Variants in TNS3 observed in about 807,000 individuals in gnomAD.
The protein encoded by TNS3 is tensin 3.
TNS3 carries 45 observed loss-of-function variants against 140.9 expected under a neutral mutation model. The ratio of observed to expected loss-of-function variants is 0.32; its 90% CI spans 0.25 to 0.41. The LOEUF (loss-of-function observed/expected upper bound fraction) is 0.41, where lower values mean the gene tolerates loss of function less well. Ranked by LOEUF, TNS3 falls within the 10% of genes least tolerant of loss-of-function variation. The probability of loss-of-function intolerance (pLI) is 1.00; values close to 1 mark genes in which losing one functional copy is unlikely to be tolerated. For missense variants in TNS3, 1,716 were observed against 1,906.7 expected, an observed-to-expected ratio of 0.90 and a Z score of 1.86; for synonymous variants, 815 against 788.4, an observed-to-expected ratio of 1.03 and a Z score of -0.56.
chr7:47,473,978 G>A (rs946543721), intron 4 of TNS3, among the ~76,000 whole-genome samples: 2 of 152,160 alleles, frequency 1.3e-5, no homozygotes, highest in African/African-American at 4.8e-5. Flanking sequence ...CTGGGGCAGA[G>A]GCAGGGATGG....
rs528516882 is a variant in TNS3 at position 47,285,553 on chromosome 7, G to T, written c.3929-1688C>A. On this transcript the variant is annotated intron_variant, in intron 27 of 30. Transcript: ENST00000311160. ...CTACCATGATCATGAGGCCTCCCCA[G>T]CCATGTGAAACTGTGAGTCCATTAA... Among the ~76,000 whole-genome samples, 6 of 152,274 alleles carry T rather than the reference G, an allele frequency of 3.9e-5. No homozygotes were observed. In the South Asian group the frequency reaches 1.2e-3, roughly 32 times the overall value.
intron 17 of TNS3, among the ~76,000 whole-genome samples, chr7:47,359,165 A>G (rs1489340096): frequency 6.6e-6 from 1 of 152,218 alleles, no homozygotes; most frequent in Non-Finnish European, 1.5e-5. Context: ...AGAGGAATGA[A>G]TAAACAAACT....
At chr7:47,525,281 A>G (rs1221209896) in intron 2 of TNS3, among the ~76,000 whole-genome samples, 1 of 152,182 alleles carries the variant, frequency 6.6e-6, no homozygotes, top group East Asian at 1.9e-4. Context: ...GAGGCGGGAA[A>G]GCATCATTAC....
In TNS3 at chr7:47,303,026, C is replaced by A. The variant is rs755325621; in HGVS notation, c.3381G>T (p.Gly1127=). Residue 1127 remains glycine, a synonymous_variant, in exon 22 of 31, where the codon GGG becomes GGT. Transcript: ENST00000311160. ...TTGGGAAGGGGATACTGATGGTGCT[C>A]CCGCTGTGCGGGCTGGAGAAGCCAC... ...SSSGFSSPHS[G]STISIPFPNV... The A allele has an allele frequency of 2.5e-6, 4 of 1,614,120 alleles. No individual in the cohort carries two copies. In the South Asian group the frequency reaches 4.4e-5, roughly 18 times the overall value.
At chr7:47,348,722 G>A (rs181562677) in intron 17 of TNS3, among the ~76,000 whole-genome samples, 1 of 152,260 alleles carries the variant, frequency 6.6e-6, no homozygotes, top group African/African-American at 2.4e-5. Context: ...TGTTCTCTTT[G>A]ATCTGGAGAA....
At chr7:47,520,454 C>T (rs1798933029) in intron 2 of TNS3, among the ~76,000 whole-genome samples, 1 of 152,206 alleles carries the variant, frequency 6.6e-6, no homozygotes, top group African/African-American at 2.4e-5. Context: ...CCAGCACAAT[C>T]AACTAACACA....
chr7:47,416,219 T>C (rs929531677), intron 10 of TNS3, among the ~76,000 whole-genome samples: 1 of 152,258 alleles, frequency 6.6e-6, no homozygotes, highest in Non-Finnish European at 1.5e-5. Context: ...TCTACTGCCA[T>C]GGCAGACTGA....
intron 20 of TNS3, among the ~76,000 whole-genome samples, chr7:47,313,377 G>A (rs1031155103): frequency 2.0e-5 from 3 of 152,196 alleles, no homozygotes; most frequent in Non-Finnish European, 2.9e-5. Context: ...AGAGCATGAC[G>A]TGGAAATACT....
intron 8 of TNS3, among the ~76,000 whole-genome samples, chr7:47,429,233 AAC>A (rs1372967459): frequency 1.3e-5 from 2 of 152,236 alleles, no homozygotes; most frequent in African/African-American, 4.8e-5. Flanking sequence ...TCAGTGTCCA[AAC>A]ACAAAGTTTG....
At chr7:47,324,497 A>C (rs1055053998) in intron 20 of TNS3, among the ~76,000 whole-genome samples, 1 of 152,202 alleles carries the variant, frequency 6.6e-6, no homozygotes, top group African/African-American at 2.4e-5. Flanking sequence ...CACGCCTGTA[A>C]TCCCAGCACT....
chr7:47,499,631 G>A (rs1798135435), intron 3 of TNS3, among the ~76,000 whole-genome samples: 1 of 152,198 alleles, frequency 6.6e-6, no homozygotes, highest in African/African-American at 2.4e-5. Context: ...GGCTACACAT[G>A]TATGATTCCA....
At chr7:47,405,986 G>A (rs893038627) in intron 13 of TNS3, among the ~76,000 whole-genome samples, 4 of 152,132 alleles carry the variant, frequency 2.6e-5, no homozygotes, top group East Asian at 1.9e-4. Context: ...CCTGAGAGCC[G>A]AGACCAGGGA....
chr7:47,401,200 C>T (rs920035644), intron 13 of TNS3, among the ~76,000 whole-genome samples: 7 of 152,226 alleles, frequency 4.6e-5, no homozygotes, highest in African/African-American at 1.7e-4. Flanking sequence ...ACACCACTAT[C>T]GCTAGTCCTC....
At chr7:47,292,363 A>C (rs41280693) in intron 26 of TNS3, among the ~76,000 whole-genome samples, 1 of 152,240 alleles carries the variant, frequency 6.6e-6, no homozygotes, top group East Asian at 1.9e-4. Flanking sequence ...GGAAAGTGGG[A>C]CATACGGTCA....
chr7:47,364,441 C>A (rs1177600379), intron 17 of TNS3, among the ~76,000 whole-genome samples: 2 of 152,136 alleles, frequency 1.3e-5, no homozygotes, highest in Non-Finnish European at 2.9e-5. Flanking sequence ...CACCACCATG[C>A]CTGACCAATT....
chr7:47,333,080 G>A (rs376869321), intron 20 of TNS3, among the ~76,000 whole-genome samples: 2 of 152,080 alleles, frequency 1.3e-5, no homozygotes, highest in African/African-American at 4.8e-5. Flanking sequence ...CTCCGCGGAT[G>A]AGGTGTCAGC....
At chr7:47,414,934 G>A (rs1249699205) in intron 11 of TNS3, among the ~76,000 whole-genome samples, 160 bp downstream of exon 11, 3 of 152,152 alleles carry the variant, frequency 2.0e-5, no homozygotes, top group Non-Finnish European at 4.4e-5. Context: ...ATGGGGCTCT[G>A]ACCACTGAAG....
chr7:47,502,489 T>C (rs1006722817), intron 3 of TNS3, among the ~76,000 whole-genome samples: 2 of 152,198 alleles, frequency 1.3e-5, no homozygotes, highest in African/African-American at 4.8e-5. Context: ...TGGGCCTGTC[T>C]GGTGGAAGTG....
chr7:47,551,018 A>G (rs1409790663), intron 1 of TNS3, among the ~76,000 whole-genome samples: 1 of 152,208 alleles, frequency 6.6e-6, no homozygotes, highest in African/African-American at 2.4e-5. Context: ...ACATGAGCTC[A>G]CTCAGAAAAA....
Sources: allele counts gnomAD v4.1 joint callset (sites outside exome capture counted in the v4.1 genomes callset), GRCh38; gene constraint gnomAD v4.1.1; transcripts MANE v1.5; gene names NCBI Gene and HGNC (gene_info 2026-07-23, HGNC 2026-07-21).